The following NDST3 variants were observed in gnomAD, a reference collection of about 807,000 sequenced individuals.
NDST3 encodes the protein N-deacetylase and N-sulfotransferase 3.
In NDST3, 58 loss-of-function variants were observed where a neutral mutation model predicts 96.1. That is an observed-to-expected ratio of 0.60 (90% CI 0.49 to 0.75). The LOEUF is 0.75. NDST3 is among the 30% of genes least tolerant of loss of function. The pLI, the probability that NDST3 is intolerant of heterozygous loss-of-function variation, is 0.00. For synonymous variants in NDST3, 333 were observed against 359.7 expected (o/e 0.93, Z 0.84); for missense variants, 788 against 1,034.2 (o/e 0.76, Z 3.27).
At chr4:118,135,700 T>C (rs1733021943) in intron 4 of NDST3, among the ~76,000 whole-genome samples, 1 of 152,148 alleles carries the variant, frequency 6.6e-6, no homozygotes, top group South Asian at 2.1e-4. Context: ...TATGCCACAC[T>C]GCACCAGCAC....
chr4:118,236,996 G>T, intron 9 of NDST3, 50 bp from the exon 10 acceptor site: 1 of 1,378,424 alleles, frequency 7.3e-7, no homozygotes, highest in South Asian at 1.6e-5. Flanking sequence ...TTGGTCACCA[G>T]AATGAGTATA....
At chr4:118,144,451 A>C (rs1250294790) in intron 6 of NDST3, among the ~76,000 whole-genome samples, 1 of 152,190 alleles carries the variant, frequency 6.6e-6, no homozygotes, top group Non-Finnish European at 1.5e-5. Flanking sequence ...AAGTGCTGGG[A>C]TTACAGGCGT....
intron 6 of NDST3, among the ~76,000 whole-genome samples, chr4:118,179,360 C>T (rs1313009502): frequency 6.6e-6 from 1 of 151,924 alleles, no homozygotes; most frequent in Non-Finnish European, 1.5e-5. Context: ...TCCTATAAAT[C>T]AGATATGAAT....
chr4:118,042,691 A>C (rs1373695233), intron 1 of NDST3, among the ~76,000 whole-genome samples: 1 of 152,174 alleles, frequency 6.6e-6, no homozygotes, highest in Non-Finnish European at 1.5e-5. Context: ...ATTTTAGTTA[A>C]TTTCACTCTG....
chr4:118,231,406 AATACT>A (rs1740286986), intron 8 of NDST3, among the ~76,000 whole-genome samples: 1 of 150,178 alleles, frequency 6.7e-6, no homozygotes, highest in East Asian at 1.9e-4. Context: ...TATTTAAGTA[AATACT>A]ATACTATCAT....
At position 118,233,635 on chromosome 4, in the gene NDST3, TTA is replaced by T. The variant is rs1229058931; in HGVS notation, c.1943+501_1943+502del. Among the ~76,000 whole-genome samples the T allele has an allele frequency of 2.0e-5, 3 of 152,286 alleles. No individual in the cohort carries two copies. In the East Asian group the frequency reaches 5.8e-4, roughly 29 times the overall value. On this transcript the variant is annotated intron_variant, in intron 9 of 13. Coordinates refer to ENST00000296499, the MANE Select transcript of NDST3 (RefSeq NM_004784.3). Reference sequence around the variant, plus strand: ...AAAAACTATCAACAATACACAGAATTTAATTCTTGCCTTTGAATCAAAATTAG... The same window carrying T: ...AAAAACTATCAACAATACACAGAATTATTCTTGCCTTTGAATCAAAATTAG...
chr4:118,055,882 A>G (rs1348010785), intron 2 of NDST3, among the ~76,000 whole-genome samples: 1 of 151,888 alleles, frequency 6.6e-6, no homozygotes, highest in African/African-American at 2.4e-5. Context: ...TGTTCATCAC[A>G]CTAGTTAAGT....
chr4:118,071,431 G>C (rs1302181052), intron 2 of NDST3, among the ~76,000 whole-genome samples: 1 of 152,018 alleles, frequency 6.6e-6, no homozygotes, highest in Non-Finnish European at 1.5e-5. Context: ...CCCTCAAGTA[G>C]GTGCTGTTGT....
intron 4 of NDST3, among the ~76,000 whole-genome samples, chr4:118,137,350 T>C (rs1220991897): frequency 2.1e-5 from 3 of 143,496 alleles, no homozygotes; most frequent in African/African-American, 7.8e-5. Context: ...CCTCTATGCC[T>C]TTTTTTTTTT....
intron 6 of NDST3, among the ~76,000 whole-genome samples, chr4:118,211,169 C>T (rs1738769368): frequency 6.6e-6 from 1 of 152,004 alleles, no homozygotes; most frequent in Non-Finnish European, 1.5e-5. Flanking sequence ...GTTCTTTGAA[C>T]CAAAAGATTT....
At chr4:118,087,562 T>C (rs1728530561) in intron 2 of NDST3, among the ~76,000 whole-genome samples, 1 of 152,152 alleles carries the variant, frequency 6.6e-6, no homozygotes, top group African/African-American at 2.4e-5. Flanking sequence ...CCTAGGAATT[T>C]GAGCCTGGCA....
intron 2 of NDST3, among the ~76,000 whole-genome samples, chr4:118,059,969 C>T (rs1346167217): frequency 6.6e-6 from 1 of 152,038 alleles, no homozygotes; most frequent in African/African-American, 2.4e-5. Context: ...CATGTATCTG[C>T]TTGATCCCAT....
chr4:118,125,891 A>G (rs1304361162), intron 4 of NDST3, among the ~76,000 whole-genome samples: 1 of 152,028 alleles, frequency 6.6e-6, no homozygotes, highest in Non-Finnish European at 1.5e-5. Flanking sequence ...CCCTAATCTA[A>G]TGATCCTGAC....
intron 4 of NDST3, among the ~76,000 whole-genome samples, chr4:118,123,944 C>T (rs1275664860): frequency 2.0e-5 from 3 of 152,054 alleles, no homozygotes; most frequent in Admixed American, 1.3e-4. Context: ...ATTGGTACTA[C>T]ATTTTTAGCT....
chr4:118,135,106 T>C (rs1180468751), intron 4 of NDST3, among the ~76,000 whole-genome samples: 1 of 152,206 alleles, frequency 6.6e-6, no homozygotes, highest in Non-Finnish European at 1.5e-5. Context: ...TTTCAGGTGT[T>C]CTCTCTGGTG....
At chr4:118,142,066 T>A (rs114444938) in intron 5 of NDST3, among the ~76,000 whole-genome samples, 5,849 of 152,236 alleles carry the variant, frequency 0.038, 178 homozygotes, top group African/African-American at 0.083. Flanking sequence ...ATATTACATT[T>A]ATAATAGTTG....
intron 6 of NDST3, among the ~76,000 whole-genome samples, chr4:118,147,288 C>T (rs1452540247): frequency 6.6e-6 from 1 of 151,974 alleles, no homozygotes; most frequent in Non-Finnish European, 1.5e-5. Flanking sequence ...TCAGAGTGTT[C>T]GTTGATTAAG....
chr4:118,213,625 C>T (rs1168045053), intron 6 of NDST3, among the ~76,000 whole-genome samples: 3 of 150,624 alleles, frequency 2.0e-5, no homozygotes, highest in Admixed American at 6.6e-5. Flanking sequence ...GTATAAAATG[C>T]TAAAGATATA....
intron 6 of NDST3, among the ~76,000 whole-genome samples, chr4:118,185,293 A>T (rs1736871654): frequency 6.6e-6 from 1 of 152,026 alleles, no homozygotes; most frequent in East Asian, 1.9e-4. Flanking sequence ...TTAATTGTCT[A>T]TGCATTTAAA....
Sources: gnomAD v4.1 joint callset for allele counts (sites outside exome capture counted in the v4.1 genomes callset) on GRCh38, gnomAD v4.1.1 for gene constraint, MANE v1.5 for transcripts, NCBI Gene and HGNC (gene_info 2026-07-23, HGNC 2026-07-21) for gene names.